The following MEIS1 variants were observed in gnomAD, a reference collection of about 807,000 sequenced individuals.
The protein encoded by MEIS1 is Meis homeobox 1.
In MEIS1, 5 loss-of-function variants were observed where a neutral mutation model predicts 50.8. That is an observed-to-expected ratio of 0.10 (90% confidence interval 0.05 to 0.21). MEIS1 has a LOEUF of 0.21. Ranked by LOEUF, MEIS1 falls within the 10% of genes least tolerant of loss-of-function variation. MEIS1 has a pLI of 1.00. For synonymous variants in MEIS1, 176 were observed against 179.3 expected (o/e 0.98, Z 0.15); for missense variants, 318 against 517.3 (o/e 0.61, Z 3.74).
chr2:66,437,693 C>T (rs746121188), intron 1 of MEIS1, 44 bp from the exon 2 acceptor site: 4 of 1,589,698 alleles, frequency 2.5e-6, no homozygotes, highest in Non-Finnish European at 2.6e-6. Flanking sequence ...CCCATTTGCC[C>T]GCCTGGCCTC....
chr2:66,461,922 C>CT (rs1476771766), intron 6 of MEIS1: 2 of 463,936 alleles, frequency 4.3e-6, no homozygotes, highest in Non-Finnish European at 8.9e-6. Flanking sequence ...GCTCAGGGCT[C>CT]ACTGCTGAAG....
At chr2:66,499,540 T>A (rs536417224) in intron 7 of MEIS1, among the ~76,000 whole-genome samples, 1 of 152,052 alleles carries the variant, frequency 6.6e-6, no homozygotes, top group South Asian at 2.1e-4. Flanking sequence ...CAGTGAGGGA[T>A]GAACAGGAGA....
At chr2:66,554,249 C>T (rs560948887) in intron 9 of MEIS1, among the ~76,000 whole-genome samples, 14 of 152,350 alleles carry the variant, frequency 9.2e-5, no homozygotes, top group African/African-American at 3.1e-4. Flanking sequence ...CGGAGGTTGA[C>T]TTTGAACATG....
chr2:66,528,063 T>A (rs1674300834), intron 8 of MEIS1, among the ~76,000 whole-genome samples: 1 of 152,292 alleles, frequency 6.6e-6, no homozygotes, highest in African/African-American at 2.4e-5. Flanking sequence ...AAGGCTGTGC[T>A]GTGGGAGTAC....
chr2:66,487,233 G>A (rs575395627), intron 7 of MEIS1, among the ~76,000 whole-genome samples: 23 of 152,170 alleles, frequency 1.5e-4, no homozygotes, highest in Admixed American at 4.6e-4. Flanking sequence ...TAGCATTTCC[G>A]CAATTTTTTA....
intron 9 of MEIS1, among the ~76,000 whole-genome samples, chr2:66,554,730 G>A (rs540478150): frequency 4.6e-5 from 7 of 152,246 alleles, no homozygotes; most frequent in South Asian, 2.1e-4. Context: ...TAAAGTGTGC[G>A]CTCTGAAACT....
chr2:66,472,277 G>A (rs1449419970), intron 7 of MEIS1, among the ~76,000 whole-genome samples: 1 of 152,204 alleles, frequency 6.6e-6, no homozygotes, highest in Non-Finnish European at 1.5e-5. Flanking sequence ...AAGTGAGGAA[G>A]TTAATTTTAG....
chr2:66,451,841 G>T (rs578155876), intron 6 of MEIS1, among the ~76,000 whole-genome samples: 1 of 151,960 alleles, frequency 6.6e-6, no homozygotes, highest in African/African-American at 2.4e-5. Flanking sequence ...TGGCAAACTA[G>T]CTAGTGCAGG....
intron 7 of MEIS1, among the ~76,000 whole-genome samples, chr2:66,506,618 G>A (rs1046347349): frequency 1.3e-5 from 2 of 152,050 alleles, no homozygotes; most frequent in East Asian, 1.9e-4. Context: ...TAAGTACCAG[G>A]GTGATATGAT....
At chr2:66,465,964 A>G (rs1672624862) in intron 7 of MEIS1, among the ~76,000 whole-genome samples, 1 of 152,184 alleles carries the variant, frequency 6.6e-6, no homozygotes, top group Non-Finnish European at 1.5e-5. Flanking sequence ...TATTCACATT[A>G]CTTTCTACTT....
chr2:66,449,865 T>G (rs959675010), intron 6 of MEIS1, among the ~76,000 whole-genome samples: 6 of 152,204 alleles, frequency 3.9e-5, no homozygotes, highest in Admixed American at 3.9e-4. Context: ...TCTTGACTTC[T>G]TGGTTCAGAG....
Position 66,437,800 on chromosome 2 carries a change from G to A in MEIS1, c.76G>A (p.Asp26Asn). ...AGGCATCCCCTCCACGATGTATGGG[G>A]ACCCGCATGCAGCCAGGTCCATGCA... ...GVGIPSTMYGDPHAARSMQPV... is the reference protein window; with the variant it reads ...GVGIPSTMYGNPHAARSMQPV... The change falls in exon 2 of 13, where the codon GAC (aspartate) becomes AAC (asparagine). Residue 26 changes from aspartate to asparagine, a missense_variant. Transcript: ENST00000272369. 6.2e-7 allele frequency: 1 copy of A among 1,613,898 alleles called. No individual in the cohort carries two copies. The highest frequency in any genetic ancestry group is 8.5e-7 in the Non-Finnish European group (1 of 1,179,888).
rs1414206332 is a variant in MEIS1 at position 66,518,146 on chromosome 2, A to T, written c.888+5852A>T. The stretch of plus-strand genomic sequence containing the variant: ...GGGTAATTACAGTCAGTTGATGCGG[A>T]GGCATGGGGGAAAACAATCGAAAGC... On this transcript the variant is annotated intron_variant, in intron 8 of 12. Coordinates refer to ENST00000272369, the MANE Select transcript of MEIS1 (RefSeq NM_002398.3). Among the ~76,000 whole-genome samples, 4 of 152,162 alleles carry T rather than the reference A, an allele frequency of 2.6e-5. No individual in the cohort carries two copies. The East Asian group carries it at 7.7e-4, about 29-fold the overall frequency.
chr2:66,441,084 C>G, intron 4 of MEIS1: 2 of 362,062 alleles, frequency 5.5e-6, no homozygotes, highest in East Asian at 9.6e-5. Flanking sequence ...TCTGTCCACT[C>G]CTTCCAAGGA....
At chr2:66,508,485 G>A (rs1391869026) in intron 7 of MEIS1, among the ~76,000 whole-genome samples, 1 of 152,140 alleles carries the variant, frequency 6.6e-6, no homozygotes, top group Non-Finnish European at 1.5e-5. Context: ...GGAGTGGCCC[G>A]GTCTCATCAG....
chr2:66,568,748 G>A lies in MEIS1; in HGVS notation c.1106G>A (p.Arg369Lys). The change falls in exon 11 of 13, where the codon AGA (arginine) becomes AAA (lysine). Residue 369 changes from arginine (R) to lysine (K), a missense_variant. Around this residue, in one of 6 missense-constraint regions of MEIS1, gnomAD observed 54 missense variants for 75.0 expected, o/e 0.72. Coordinates refer to ENST00000272369, the MANE Select transcript of MEIS1 (RefSeq NM_002398.3). The part of the protein sequence containing the change: ...VMDGQQHMGI[R>K]APGPMSGMGM... Reference sequence around the variant, plus strand: ...GACGGTCAGCAACATATGGGAATTAGAGCACCAGGTAAGACTTTGTTTTTG... The same window carrying A: ...GACGGTCAGCAACATATGGGAATTAAAGCACCAGGTAAGACTTTGTTTTTG... The A allele has an allele frequency of 1.2e-6, 2 of 1,613,608 alleles. No individual in the cohort carries two copies. The highest frequency in any genetic ancestry group is 1.7e-6 in the Non-Finnish European group (2 of 1,179,560).
intron 8 of MEIS1, among the ~76,000 whole-genome samples, chr2:66,536,722 C>G (rs899040284): frequency 6.6e-6 from 1 of 152,164 alleles, no homozygotes; most frequent in Non-Finnish European, 1.5e-5. Flanking sequence ...TTATAAACAG[C>G]AGCTAAGTGG....
At chr2:66,570,758 T>G (rs1193954044) in intron 12 of MEIS1, 1 of 153,480 alleles carries the variant, frequency 6.5e-6, no homozygotes, top group Admixed American at 6.5e-5. Flanking sequence ...GTGAAGATTT[T>G]CTTTTCCCCA....
At chr2:66,469,671 C>A (rs1186997092) in intron 7 of MEIS1, among the ~76,000 whole-genome samples, 1 of 152,152 alleles carries the variant, frequency 6.6e-6, no homozygotes, top group East Asian at 1.9e-4. Context: ...GGCTGCAGTT[C>A]CCCTTGACCT....
Sources: gnomAD v4.1 joint callset for allele counts (sites outside exome capture counted in the v4.1 genomes callset) on GRCh38, gnomAD v4.1.1 for gene constraint, gnomAD v4.1.1 regional missense constraint, MANE v1.5 for transcripts, NCBI Gene and HGNC (gene_info 2026-07-23, HGNC 2026-07-21) for gene names.